The following NSMF variants were observed in gnomAD, a reference collection of about 807,000 sequenced individuals.
The protein encoded by NSMF is nasal embryonic LHRH factor.
NSMF carries 31 observed loss-of-function variants against 71.0 expected under a neutral mutation model. The ratio of observed to expected loss-of-function variants is 0.44; its 90% CI spans 0.33 to 0.59. NSMF has a LOEUF of 0.59. Among genes scored for constraint, NSMF ranks in the 20% least tolerant of loss-of-function variants. The pLI, the probability that NSMF is intolerant of heterozygous loss-of-function variation, is 0.04. For missense variants in NSMF, 673 were observed against 740.5 expected (o/e 0.91, Z 1.06); for synonymous variants, 345 against 287.1 (o/e 1.20, Z -2.04).
rs542717934 is a variant in NSMF at position 137,456,479 on chromosome 9, G to A, written c.636C>T (p.Ile212=). ...MYSVDRVSDD[I]PIRTWFPKEN... ...CCTTGGGGAACCAGGTACGAATAGG[G>A]ATGTCGTCTAAGAGAGACAAAAAGG... Residue 212 remains isoleucine (I), a synonymous_variant, in exon 4 of 16, where the codon ATC becomes ATT. Coordinates refer to ENST00000371475, the MANE Select transcript of NSMF (RefSeq NM_001130969.3). The A allele has an allele frequency of 1.0e-4, 163 of 1,611,594 alleles. No homozygotes were observed. In the East Asian group the frequency reaches 3.4e-3, roughly 33 times the overall value.
At position 137,458,854 on chromosome 9, in the gene NSMF, G is replaced by C. The variant is rs35043345; in HGVS notation, c.71+178C>G. 0.011 allele frequency among the ~76,000 whole-genome samples: 1,738 copies of C among 152,224 alleles called. 18 individuals carry two copies. The highest frequency in any genetic ancestry group is 0.015 in the Non-Finnish European group (999 of 67,964). On this transcript the variant is annotated intron_variant, in intron 1 of 15. Transcript: ENST00000371475. ...CTCGCCCACCACGCGCTCGCGAGGG[G>C]AGGGGAGGGAAGAGCAGGGCAGGGG... is the stretch of plus-strand genomic sequence containing the variant.
chr9:137,453,991 G>A lies in NSMF; in HGVS notation c.833-171C>T, dbSNP rs1830691505. ...AGAGGCTCGGTTGGTTCAGGGGCAGGATCTGAGAACACTGGGGCAGGGCCA... is the reference window on the plus strand; with the variant it reads ...AGAGGCTCGGTTGGTTCAGGGGCAGAATCTGAGAACACTGGGGCAGGGCCA... On this transcript the variant is annotated intron_variant, in intron 7 of 15. Transcript: ENST00000371475. This position sits in a 1 kb window ranked among gnomAD's most constrained non-coding sequence, Gnocchi z 4.5. Among the ~76,000 whole-genome samples the A allele has an allele frequency of 6.6e-6, 1 of 151,956 alleles. No homozygotes were observed. The highest frequency in any genetic ancestry group is 2.1e-4 in the South Asian group (1 of 4,814).
chr9:137,458,546 T>A lies in NSMF; in HGVS notation c.75A>T (p.Ala25=), dbSNP rs1240433915. ...ACAGGTACTCTCCAAACGCTCGGGCTGCTCTGAGGGTGGACAGAGGGCACG... is the reference window on the plus strand; with the variant it reads ...ACAGGTACTCTCCAAACGCTCGGGCAGCTCTGAGGGTGGACAGAGGGCACG... ...AMSSVAAKVR[A]ARAFGEYLSQ... is the part of the protein sequence containing the mutation. Residue 25 remains alanine (A), a synonymous_variant, in exon 2 of 16, where the codon GCA becomes GCT. Coordinates refer to ENST00000371475, the MANE Select transcript of NSMF (RefSeq NM_001130969.3). 1.1e-5 allele frequency: 18 copies of A among 1,595,940 alleles called. No homozygotes were observed. Among genetic ancestry groups the A allele is most frequent in the Non-Finnish European group, 1.5e-5 (18 of 1,173,240 alleles).
Position 137,453,673 on chromosome 9 carries a change from G to A in NSMF, c.922+58C>T. The A allele has an allele frequency of 2.2e-6, 3 of 1,372,308 alleles. No homozygotes were observed. The highest frequency in any genetic ancestry group is 2.5e-5 in the South Asian group (2 of 81,422). The allele number at this position is 1,372,308 out of a possible 1,614,324, so 85.0% of individuals were successfully genotyped here. A position where few individuals can be genotyped will look rare whatever the true frequency, so the allele number is the denominator to read the frequency against. On this transcript the variant is annotated intron_variant, in intron 8 of 15. Transcript: ENST00000371475. This position sits in a 1 kb window ranked among gnomAD's most constrained non-coding sequence, Gnocchi z 4.5. ...GCCCTGGCAGGGGACCCCCAGCAGG[G>A]GTCTGGGGTCTAGGGGAGGCTCTGG...
chr9:137,449,080 A>AT lies in NSMF; in HGVS notation c.*313dup, dbSNP rs1211191286. 3.7e-5 allele frequency: 19 copies of AT among 512,102 alleles called. No individual in the cohort carries two copies. In the Admixed American group the frequency reaches 3.9e-4, roughly 11 times the overall value. The allele number at this position is 512,102 out of a possible 1,614,324, so 31.7% of individuals were successfully genotyped here. On this transcript the variant is annotated 3_prime_UTR_variant, in exon 16 of 16. Transcript: ENST00000371475. The stretch of plus-strand genomic sequence containing the variant: ...TTTCGGGGGTGTAGAAATTGCACTT[A>AT]TTTCTATGAACCCCATGGAGGGATG...
intron 4 of NSMF, 178 bp downstream of exon 4, chr9:137,456,233 T>C (rs1830827777): frequency 4.4e-6 from 3 of 687,472 alleles, no homozygotes; most frequent in African/African-American, 3.6e-5. Flanking sequence ...GCACCAGCCA[T>C]GGGAGGGGAA....
chr9:137,458,891 G>A (rs576518012), intron 1 of NSMF, 141 bp downstream of exon 1: 30 of 665,176 alleles, frequency 4.5e-5, no homozygotes, highest in Non-Finnish European at 6.7e-5. Flanking sequence ...CCAGGAAGAG[G>A]GAGGCGCGGG....
rs1839686350 is a variant in NSMF, at chr9:137,447,981, T to A, written c.*1413A>T. 1 of 152,146 alleles carries A rather than the reference T, an allele frequency of 6.6e-6. No individual in the cohort carries two copies. Among genetic ancestry groups the A allele is most frequent in the African/African-American group, 2.4e-5 (1 of 41,300 alleles). 9.4% of individuals were successfully genotyped at this position (152,146 alleles called of 1,614,324 possible). A position where few individuals can be genotyped will look rare whatever the true frequency, so the allele number is the denominator to read the frequency against. ...CAGGGGGAACGGGCTGTCTCTGCTGTCCCCTCCAGACCCGGCGAGGCCCCC... is the reference window on the plus strand; with the variant it reads ...CAGGGGGAACGGGCTGTCTCTGCTGACCCCTCCAGACCCGGCGAGGCCCCC... On this transcript the variant is annotated 3_prime_UTR_variant, in exon 16 of 16. Coordinates refer to ENST00000371475, the MANE Select transcript of NSMF (RefSeq NM_001130969.3).
At chr9:137,449,882 G>A (rs371802851) in intron 14 of NSMF, 41 bp downstream of exon 14, 359 of 1,530,056 alleles carry the variant, frequency 2.3e-4, no homozygotes, top group Middle Eastern at 2.2e-3. Flanking sequence ...CCACGTCGGG[G>A]GTTTCCAGAG....
chr9:137,449,646 G>C lies in NSMF; in HGVS notation c.1448C>G (p.Thr483Ser), dbSNP rs1220928501. 1 of 1,612,732 alleles carries C rather than the reference G, an allele frequency of 6.2e-7. No homozygotes were observed. The highest frequency in any genetic ancestry group is 1.3e-5 in the African/African-American group (1 of 75,024). The change falls in exon 15 of 16, where the codon ACT becomes AGT. Residue 483 changes from threonine (T) to serine (S), a missense_variant. Physicochemically the swap from Thr to Ser is moderately conservative, Grantham distance 58 (BLOSUM62 1). Coordinates refer to ENST00000371475, the MANE Select transcript of NSMF (RefSeq NM_001130969.3). ...KLFQNLRTLM[T>S]PYRVTFESPL... ...TGACTCGAAGGTGACCCTATAAGGA[G>C]TCATGAGGGTCCTGAGGTTCTGGAA...
chr9:137,457,794 C>T lies in NSMF; in HGVS notation c.241G>A (p.Gly81Ser), dbSNP rs531757042. Residue 81 changes from glycine (G) to serine (S), a missense_variant, in exon 3 of 16, where the codon GGC becomes AGC. By Grantham distance (56) the Gly-to-Ser change is moderately conservative (BLOSUM62 0). Coordinates refer to ENST00000371475, the MANE Select transcript of NSMF (RefSeq NM_001130969.3). ...LSLVSNGCYE[G>S]SLSEEPSIRK... is the part of the protein sequence containing the mutation. ...ATGCTGGGCTCCTCTGAGAGGCTGC[C>T]CTCGTAGCAGCCGTTGGAGACGAGG... The T allele has an allele frequency of 1.1e-4, 167 of 1,558,476 alleles. No individual in the cohort carries two copies. In the Middle Eastern group the frequency reaches 1.5e-3, roughly 14 times the overall value.
At chr9:137,452,884 C>A (rs762919711) in intron 9 of NSMF, 65 bp from the exon 10 acceptor site, 4 of 1,547,658 alleles carry the variant, frequency 2.6e-6, no homozygotes. Flanking sequence ...CTGTGGGAGC[C>A]CCCATGAGGC....
At position 137,454,298 on chromosome 9, in the gene NSMF, G is replaced by A. The variant is rs1262516577; in HGVS notation, c.832+93C>T. ...GAGGCAGGGCCCGATTGGGGTTGGGGCGGGGGTCGTTCTTATCGCAGCTAG... is the reference window on the plus strand; with the variant it reads ...GAGGCAGGGCCCGATTGGGGTTGGGACGGGGGTCGTTCTTATCGCAGCTAG... On this transcript the variant is annotated intron_variant, in intron 7 of 15. Transcript: ENST00000371475. 5 of 1,253,470 alleles carry A rather than the reference G, an allele frequency of 4.0e-6. No individual in the cohort carries two copies. The South Asian group carries it at 5.1e-5, about 13-fold the overall frequency. 77.6% of individuals were successfully genotyped at this position (1,253,470 alleles called of 1,614,324 possible).
chr9:137,453,386 G>T lies in NSMF; in HGVS notation c.923-206C>A. 1.4e-6 allele frequency: 1 copy of T among 691,060 alleles called. No individual in the cohort carries two copies. The highest frequency in any genetic ancestry group is 2.4e-6 in the Non-Finnish European group (1 of 417,776). 42.8% of individuals were successfully genotyped at this position (691,060 alleles called of 1,614,324 possible). On this transcript the variant is annotated intron_variant, in intron 8 of 15. Transcript: ENST00000371475. The surrounding 1 kb of genome is among the most constrained non-coding windows in gnomAD (Gnocchi z 4.5). ...GCCTGATGTGGGAAGGGAGACCCTG[G>T]TGCGAGGCCGGTGGAAGGCGCGTGC...
At chr9:137,458,376 G>A (rs940859338) in intron 2 of NSMF, 112 bp downstream of exon 2, 4 of 973,068 alleles carry the variant, frequency 4.1e-6, no homozygotes, top group African/African-American at 1.6e-5. Context: ...CCGGCAGGGC[G>A]CCGGGCCCAC....
Position 137,453,513 on chromosome 9 carries a change from C to A in NSMF, c.922+218G>T, listed in dbSNP as rs924746801. On this transcript the variant is annotated intron_variant, in intron 8 of 15. Coordinates refer to ENST00000371475, the MANE Select transcript of NSMF (RefSeq NM_001130969.3). This position sits in a 1 kb window ranked among gnomAD's most constrained non-coding sequence, Gnocchi z 4.5. ...GGCCTCTTGCGAGTGGCGGTGGGCACGGCCCTACAGGCGCCCCCGGCCAGC... is the reference window on the plus strand; with the variant it reads ...GGCCTCTTGCGAGTGGCGGTGGGCAAGGCCCTACAGGCGCCCCCGGCCAGC... 1.7e-6 allele frequency: 1 copy of A among 600,568 alleles called. No homozygotes were observed. The highest frequency in any genetic ancestry group is 2.9e-6 in the Non-Finnish European group (1 of 340,514). 37.2% of individuals were successfully genotyped at this position (600,568 alleles called of 1,614,324 possible).
At chr9:137,454,302 G>T in intron 7 of NSMF, 89 bp downstream of exon 7, 2 of 1,282,580 alleles carry the variant, frequency 1.6e-6, no homozygotes, top group Admixed American at 2.0e-5. Flanking sequence ...GTTGGGGCGG[G>T]GGTCGTTCTT....
intron 15 of NSMF, 40 bp from the exon 16 acceptor site, chr9:137,449,531 C>T (rs756120583): frequency 6.2e-7 from 1 of 1,611,114 alleles, no homozygotes; most frequent in Non-Finnish European, 8.5e-7. Flanking sequence ...CCTGGCCGGC[C>T]CTGGGGATCC....
At chr9:137,458,467 C>G in intron 2 of NSMF, 21 bp downstream of exon 2, 1 of 1,566,282 alleles carries the variant, frequency 6.4e-7, no homozygotes, top group Non-Finnish European at 8.6e-7. Context: ...GCGGCCCTGG[C>G]ACGGCCTCGC....
Sources: allele counts gnomAD v4.1 joint callset (sites outside exome capture counted in the v4.1 genomes callset), GRCh38; gene constraint gnomAD v4.1.1; non-coding constraint Gnocchi (gnomAD v3.1); transcripts MANE v1.5; gene names NCBI Gene and HGNC (gene_info 2026-07-23, HGNC 2026-07-21).